The following ACAP2 variants were observed in gnomAD, a reference collection of about 807,000 sequenced individuals.
The protein encoded by ACAP2 is arf-GAP with coiled-coil, ANK repeat and PH domain-containing protein 2.
Under a neutral mutation model 115.8 loss-of-function variants are expected in ACAP2, and 39 were observed. The ratio of observed to expected loss-of-function variants is 0.34; its 90% CI spans 0.26 to 0.44. The LOEUF is 0.44. Among genes scored for constraint, ACAP2 ranks in the 20% least tolerant of loss-of-function variants. ACAP2 has a pLI of 1.00. For synonymous variants in ACAP2, 289 were observed against 315.8 expected, an observed-to-expected ratio of 0.92 and a Z score of 0.90; for missense variants, 662 against 927.6, an observed-to-expected ratio of 0.71 and a Z score of 3.72.
chr3:195,293,050 T>A (rs1313244022), intron 18 of ACAP2, among the ~76,000 whole-genome samples: 1 of 151,802 alleles, frequency 6.6e-6, no homozygotes, highest in Non-Finnish European at 1.5e-5. Flanking sequence ...GATTTTCACA[T>A]AGCTATTCCC....
intron 16 of ACAP2, among the ~76,000 whole-genome samples, chr3:195,296,656 T>C (rs115593591): frequency 0.019 from 2,845 of 152,272 alleles, 42 homozygotes; most frequent in Non-Finnish European, 0.026. Flanking sequence ...AGCCACTTCA[T>C]TCAATGAGCC....
At chr3:195,415,362 C>T (rs940271388) in intron 1 of ACAP2, among the ~76,000 whole-genome samples, 4 of 151,696 alleles carry the variant, frequency 2.6e-5, no homozygotes, top group Non-Finnish European at 5.9e-5. Context: ...CTGCAACCTC[C>T]GCCTCCCACG....
intron 1 of ACAP2, among the ~76,000 whole-genome samples, chr3:195,410,054 C>T (rs901867888): frequency 2.0e-5 from 3 of 152,046 alleles, no homozygotes; most frequent in Non-Finnish European, 2.9e-5. Context: ...ATCAAACAGA[C>T]GAATACTGTC....
intron 6 of ACAP2, among the ~76,000 whole-genome samples, chr3:195,339,843 C>G (rs1384807734): frequency 1.3e-5 from 2 of 151,936 alleles, no homozygotes; most frequent in African/African-American, 4.8e-5. Context: ...AAGCCGTTCA[C>G]TCTCTCAAAA....
intron 15 of ACAP2, among the ~76,000 whole-genome samples, chr3:195,301,069 A>G (rs1728015899): frequency 6.6e-6 from 1 of 151,736 alleles, no homozygotes; most frequent in South Asian, 2.1e-4. Flanking sequence ...ATATATAAAT[A>G]TAGCCTTTTT....
At chr3:195,367,912 T>C (rs1732841864) in intron 4 of ACAP2, among the ~76,000 whole-genome samples, 1 of 152,304 alleles carries the variant, frequency 6.6e-6, no homozygotes, top group Admixed American at 6.5e-5. Context: ...AGAGCAGAAG[T>C]AAGCTGATCC....
intron 6 of ACAP2, among the ~76,000 whole-genome samples, chr3:195,338,081 C>T (rs552256428): frequency 4.6e-5 from 7 of 152,324 alleles, no homozygotes; most frequent in Non-Finnish European, 1.0e-4. Flanking sequence ...ACCATCTCCT[C>T]ACAAAGGTCT....
chr3:195,422,466 C>T (rs896502501), intron 1 of ACAP2, among the ~76,000 whole-genome samples: 37 of 151,912 alleles, frequency 2.4e-4, no homozygotes, highest in African/African-American at 8.0e-4. Flanking sequence ...AAATATTTTG[C>T]CTGAAAAGTC....
chr3:195,406,967 T>C (rs76454722), intron 1 of ACAP2, among the ~76,000 whole-genome samples: 3,255 of 152,266 alleles, frequency 0.021, 115 homozygotes, highest in East Asian at 0.1. Context: ...ATCTGTCCTA[T>C]AGCTTAAATC....
intron 1 of ACAP2, among the ~76,000 whole-genome samples, chr3:195,420,790 G>T (rs1041104122): frequency 6.6e-6 from 1 of 151,952 alleles, no homozygotes; most frequent in African/African-American, 2.4e-5. Flanking sequence ...TTACGGGCAC[G>T]AGCCACCATG....
At chr3:195,376,640 GATAA>G (rs142977586) in intron 4 of ACAP2, among the ~76,000 whole-genome samples, 3,408 of 152,146 alleles carry the variant, frequency 0.022, 108 homozygotes, top group African/African-American at 0.076. Context: ...CATTTTTACA[GATAA>G]ATAAATAAAT....
chr3:195,391,398 A>G (rs1734667133), intron 2 of ACAP2, among the ~76,000 whole-genome samples: 1 of 151,616 alleles, frequency 6.6e-6, no homozygotes, highest in African/African-American at 2.4e-5. Flanking sequence ...CTAATTTTGT[A>G]TTTTTTTAGT....
chr3:195,304,147 G>A (rs551621227), intron 13 of ACAP2, among the ~76,000 whole-genome samples: 10 of 106,894 alleles, frequency 9.4e-5, no homozygotes, highest in African/African-American at 3.8e-4. Context: ...CTGGGCAATG[G>A]AGTGAGACTC....
chr3:195,296,023 G>T, intron 16 of ACAP2, 131 bp from the exon 17 acceptor site: 1 of 657,824 alleles, frequency 1.5e-6, no homozygotes, highest in Non-Finnish European at 2.5e-6. Flanking sequence ...CTGAATCTGT[G>T]ACATTATACA....
Position 195,314,430 on chromosome 3 carries a change from GC to G in ACAP2, c.858-5594del, listed in dbSNP as rs1166907824. ...TTACAGATGCGTGCCACCATGACCA[GC>G]TAATTTTTATATTTTTAGTAGAGAC... is the stretch of plus-strand genomic sequence containing the variant. On this transcript the variant is annotated intron_variant, in intron 10 of 22. Coordinates refer to ENST00000326793, the MANE Select transcript of ACAP2 (RefSeq NM_012287.6). 4.6e-5 allele frequency among the ~76,000 whole-genome samples: 7 copies of G among 152,174 alleles called. 1 individual carries two copies. The East Asian group carries it at 1.2e-3, about 25-fold the overall frequency.
intron 1 of ACAP2, among the ~76,000 whole-genome samples, chr3:195,399,647 C>T (rs569052543): frequency 6.6e-6 from 1 of 151,874 alleles, no homozygotes; most frequent in Non-Finnish European, 1.5e-5. Flanking sequence ...ACCCTTTTCC[C>T]CTCAAATTTT....
At chr3:195,378,511 C>CAAAAAAAAAAAAAAAAA (rs111244710) in intron 4 of ACAP2, among the ~76,000 whole-genome samples, 2 of 147,508 alleles carry the variant, frequency 1.4e-5, no homozygotes, top group Non-Finnish European at 3.0e-5. Flanking sequence ...ACAAAACAAA[C>CAAAAAAAAAAAAAAAAA]AAACAAAAAA....
At chr3:195,344,851 G>A (rs910500396) in intron 5 of ACAP2, among the ~76,000 whole-genome samples, 1 of 152,098 alleles carries the variant, frequency 6.6e-6, no homozygotes. Flanking sequence ...GCTCATTCTC[G>A]TATATTCCAT....
At chr3:195,355,281 C>CTTTTTTTTTTTTTTTT (rs11345721) in intron 4 of ACAP2, among the ~76,000 whole-genome samples, 1 of 126,848 alleles carries the variant, frequency 7.9e-6, no homozygotes, top group African/African-American at 2.9e-5. Context: ...TCTTTTTCTT[C>CTTTTTTTTTTTTTTTT]TTTTTTTTTT....
Sources: gnomAD v4.1 joint callset for allele counts (sites outside exome capture counted in the v4.1 genomes callset) on GRCh38, gnomAD v4.1.1 for gene constraint, MANE v1.5 for transcripts, NCBI Gene and HGNC (gene_info 2026-07-23, HGNC 2026-07-21) for gene names.